The following TMEM182 variants were observed in gnomAD, a reference collection of about 807,000 sequenced individuals.
The protein encoded by TMEM182 is transmembrane protein 182.
In TMEM182, 20 loss-of-function variants were observed where a neutral mutation model predicts 26.8. That is an observed-to-expected ratio of 0.75 (90% CI 0.53 to 1.09). TMEM182 has a LOEUF of 1.09. Among genes scored for constraint, TMEM182 ranks in the 50% least tolerant of loss-of-function variants. The pLI is 0.00. For synonymous variants in TMEM182, 109 were observed against 102.2 expected, an observed-to-expected ratio of 1.07 and a Z score of -0.40; for missense variants, 277 against 275.5, an observed-to-expected ratio of 1.01 and a Z score of -0.04.
At chr2:102,800,005 A>G (rs530228741) in intron 4 of TMEM182, among the ~76,000 whole-genome samples, 19 of 151,940 alleles carry the variant, frequency 1.3e-4, no homozygotes, top group Non-Finnish European at 2.4e-4. Context: ...CTGAGCCCCA[A>G]CAGTTTAAAG....
intron 3 of TMEM182, among the ~76,000 whole-genome samples, chr2:102,783,482 C>T (rs887989): frequency 0.21 from 31,585 of 152,042 alleles, 3,499 homozygotes; most frequent in African/African-American, 0.29. Flanking sequence ...GAAGACACAG[C>T]AAATAGTTGT....
intron 4 of TMEM182, among the ~76,000 whole-genome samples, chr2:102,808,768 A>G (rs902972167): frequency 3.9e-5 from 6 of 152,198 alleles, no homozygotes; most frequent in Non-Finnish European, 8.8e-5. Flanking sequence ...ATGAAGTGTG[A>G]ACACATCTTG....
At chr2:102,812,588 A>G (rs1682594790) in intron 4 of TMEM182, among the ~76,000 whole-genome samples, 1 of 152,210 alleles carries the variant, frequency 6.6e-6, no homozygotes, top group Non-Finnish European at 1.5e-5. Flanking sequence ...ATTTAAATAT[A>G]AGTTAATTCT....
intron 3 of TMEM182, among the ~76,000 whole-genome samples, chr2:102,779,643 T>G (rs141731642): frequency 6.6e-6 from 1 of 152,222 alleles, no homozygotes; most frequent in East Asian, 1.9e-4. Flanking sequence ...TTTTAGTAAT[T>G]ATATCTTCCA....
At chr2:102,805,872 G>T (rs1449122977) in intron 4 of TMEM182, among the ~76,000 whole-genome samples, 1 of 151,936 alleles carries the variant, frequency 6.6e-6, no homozygotes, top group Non-Finnish European at 1.5e-5. Flanking sequence ...CCGCACCACT[G>T]TACTCCAGCC....
chr2:102,786,819 G>A (rs1221686400), intron 3 of TMEM182, among the ~76,000 whole-genome samples: 1 of 152,108 alleles, frequency 6.6e-6, no homozygotes, highest in Non-Finnish European at 1.5e-5. Context: ...AGCTTCCACT[G>A]GGTTTAGAGA....
chr2:102,749,711 A>G (rs973173675), intron 1 of TMEM182, among the ~76,000 whole-genome samples: 3 of 152,184 alleles, frequency 2.0e-5, no homozygotes, highest in African/African-American at 7.2e-5. Flanking sequence ...ATACCTGTAC[A>G]TATTTCACAT....
At chr2:102,764,263 C>G (rs1023359000) in intron 2 of TMEM182, 66 bp from the exon 3 acceptor site, 1 of 1,470,694 alleles carries the variant, frequency 6.8e-7, no homozygotes, top group Non-Finnish European at 9.5e-7. Context: ...TATTTCTGTT[C>G]CATTAAGGAT....
rs569733003 is a variant in TMEM182 at position 102,764,605 on chromosome 2, A to T, written c.331+178A>T. 7.2e-5 allele frequency among the ~76,000 whole-genome samples: 11 copies of T among 152,302 alleles called. No homozygotes were observed. In the South Asian group the frequency reaches 2.3e-3, roughly 32 times the overall value. ...AATGTGCCATTTATAATTTTAAAGAACATAACTTTGATCTAAAAGTAAAGT... is the reference window on the plus strand; with the variant it reads ...AATGTGCCATTTATAATTTTAAAGATCATAACTTTGATCTAAAAGTAAAGT... On this transcript the variant is annotated intron_variant, in intron 3 of 4. Transcript: ENST00000412401.
At chr2:102,812,853 C>T (rs35232165) in intron 4 of TMEM182, among the ~76,000 whole-genome samples, 1 of 152,192 alleles carries the variant, frequency 6.6e-6, no homozygotes, top group African/African-American at 2.4e-5. Flanking sequence ...ATGCAAATGC[C>T]TAAGCCAAAC....
intron 3 of TMEM182, among the ~76,000 whole-genome samples, chr2:102,794,142 A>G (rs150746670): frequency 6.6e-6 from 1 of 152,324 alleles, no homozygotes; most frequent in Non-Finnish European, 1.5e-5. Flanking sequence ...CATACATTGT[A>G]AGTCATTCTT....
rs540972526 is a variant in TMEM182, at chr2:102,770,217, C to G, written c.331+5790C>G. On this transcript the variant is annotated intron_variant, in intron 3 of 4. Transcript: ENST00000412401. ...CTGGTGCATTTTCTTGGGAAGGAGG[C>G]AGTGGTCTTCAATGTCAAACGCAGA... 2.6e-5 allele frequency among the ~76,000 whole-genome samples: 4 copies of G among 152,186 alleles called. No homozygotes were observed. In the East Asian group the frequency reaches 7.7e-4, roughly 29 times the overall value.
intron 3 of TMEM182, among the ~76,000 whole-genome samples, chr2:102,792,748 T>C (rs568557189): frequency 6.6e-6 from 1 of 152,300 alleles, no homozygotes; most frequent in East Asian, 1.9e-4. Flanking sequence ...GGAGGCTATT[T>C]CTATGTGATC....
chr2:102,776,634 T>C (rs553405768), intron 3 of TMEM182, among the ~76,000 whole-genome samples: 81 of 152,288 alleles, frequency 5.3e-4, no homozygotes, highest in African/African-American at 1.9e-3. Context: ...TGTGTGCAGG[T>C]TTTTTTGTGG....
At chr2:102,807,421 T>G (rs1452516718) in intron 4 of TMEM182, among the ~76,000 whole-genome samples, 1 of 152,234 alleles carries the variant, frequency 6.6e-6, no homozygotes, top group Non-Finnish European at 1.5e-5. Flanking sequence ...TTAGTTGTTC[T>G]GTAATCTGAA....
chr2:102,841,745 AT>A (rs1683355621), intron 3 of TMEM182, among the ~76,000 whole-genome samples: 1 of 151,984 alleles, frequency 6.6e-6, no homozygotes, highest in African/African-American at 2.4e-5. Context: ...TTTTTGTCCT[AT>A]TTTCTGACTG....
At chr2:102,751,099 A>G (rs1679862412) in intron 1 of TMEM182, among the ~76,000 whole-genome samples, 2 of 152,108 alleles carry the variant, frequency 1.3e-5, no homozygotes, top group South Asian at 4.1e-4. Flanking sequence ...CAAGAAAGTT[A>G]AGGACATGGA....
chr2:102,816,801 A>G lies in TMEM182; in HGVS notation c.*1833A>G, dbSNP rs910195476. ...TGATTAGTTCATGTCATCTGTAAAT[A>G]CAATTCTTTTTTGTAGTACTTTGGA... On this transcript the variant is annotated 3_prime_UTR_variant, in exon 5 of 5. Transcript: ENST00000412401. 3.7e-5 allele frequency: 36 copies of G among 985,724 alleles called. No homozygotes were observed. The highest frequency in any genetic ancestry group is 1.2e-4 in the Admixed American group (2 of 16,266). The allele number at this position is 985,724 out of a possible 1,614,324, so 61.1% of individuals were successfully genotyped here. A position where few individuals can be genotyped will look rare whatever the true frequency, so the allele number is the denominator to read the frequency against.
At chr2:102,795,219 A>G (rs1034539999) in intron 3 of TMEM182, among the ~76,000 whole-genome samples, 1 of 152,196 alleles carries the variant, frequency 6.6e-6, no homozygotes, top group African/African-American at 2.4e-5. Flanking sequence ...TGGTTCTAAT[A>G]ACTACTTTCA....
Sources: allele counts gnomAD v4.1 joint callset (sites outside exome capture counted in the v4.1 genomes callset), GRCh38; gene constraint gnomAD v4.1.1; transcripts MANE v1.5; gene names NCBI Gene and HGNC (gene_info 2026-07-23, HGNC 2026-07-21).